CNGA3: variants seen among roughly 807,000 people sequenced by gnomAD.
CNGA3 encodes the protein cyclic nucleotide gated channel subunit alpha 3.
In CNGA3, 42 loss-of-function variants were observed where a neutral mutation model predicts 46.6. The ratio of observed to expected loss-of-function variants is 0.90; its 90% confidence interval spans 0.70 to 1.17. The LOEUF (loss-of-function observed/expected upper bound fraction) is 1.17, where lower values mean the gene tolerates loss of function less well. CNGA3 is among the 50% of genes most tolerant of loss of function. CNGA3 has a pLI of 0.00. For synonymous variants in CNGA3, 394 were observed against 369.4 expected (o/e 1.07, Z -0.76); for missense variants, 893 against 890.7 (o/e 1.00, Z -0.03).
At chr2:98,373,431 C>T (rs1692332792) in intron 2 of CNGA3, among the ~76,000 whole-genome samples, 1 of 152,184 alleles carries the variant, frequency 6.6e-6, no homozygotes, top group African/African-American at 2.4e-5. Flanking sequence ...GAAGCCTGCA[C>T]TGGAAACCTG....
intron 5 of CNGA3, 143 bp from the exon 6 acceptor site, chr2:98,389,515 G>A: frequency 1.3e-6 from 1 of 764,424 alleles, no homozygotes; most frequent in Non-Finnish European, 2.4e-6. Context: ...GACTCCCCAT[G>A]TGACTCCCTT....
chr2:98,369,710 G>C (rs1692241463), intron 1 of CNGA3, among the ~76,000 whole-genome samples: 1 of 152,172 alleles, frequency 6.6e-6, no homozygotes, highest in Admixed American at 6.5e-5. Flanking sequence ...CATCTCTTCA[G>C]CATGGTAGCA....
intron 1 of CNGA3, among the ~76,000 whole-genome samples, chr2:98,365,217 A>G (rs1033212224): frequency 2.0e-5 from 3 of 152,154 alleles, no homozygotes; most frequent in Non-Finnish European, 4.4e-5. Context: ...CGAGGCAGGC[A>G]AATCACTTGA....
intron 1 of CNGA3, among the ~76,000 whole-genome samples, chr2:98,350,145 C>G (rs1449977918): frequency 1.3e-5 from 2 of 152,186 alleles, no homozygotes; most frequent in Non-Finnish European, 2.9e-5. Context: ...GCTTCTGCCC[C>G]CAGGCTCTGC....
intron 4 of CNGA3, among the ~76,000 whole-genome samples, chr2:98,380,706 C>A (rs1266849429): frequency 1.3e-5 from 2 of 152,188 alleles, no homozygotes; most frequent in East Asian, 1.9e-4. Context: ...CCAAGGACCC[C>A]CGTCCTAGAC....
chr2:98,349,928 C>T (rs1160334541), intron 1 of CNGA3, among the ~76,000 whole-genome samples: 1 of 152,144 alleles, frequency 6.6e-6, no homozygotes, highest in Non-Finnish European at 1.5e-5. Flanking sequence ...GACAGTACTG[C>T]AGGGAGGAAG....
intron 2 of CNGA3, among the ~76,000 whole-genome samples, chr2:98,372,022 A>G (rs1574371392): frequency 6.6e-6 from 1 of 152,208 alleles, no homozygotes; most frequent in African/African-American, 2.4e-5. Context: ...CAAGCATGTC[A>G]TGGAGCTTCC....
At chr2:98,392,076 C>A in intron 7 of CNGA3, 106 bp downstream of exon 7, 3 of 1,018,916 alleles carry the variant, frequency 2.9e-6, no homozygotes, top group Non-Finnish European at 4.5e-6. Context: ...CATGAGAGGC[C>A]AGGCAGGTCT....
rs575326068 is a variant in CNGA3, at chr2:98,380,197, C to T, written c.238C>T (p.Leu80=). Residue 80 remains leucine, a synonymous_variant, in exon 4 of 8, where the codon CTG becomes TTG. Transcript: ENST00000272602. ...IARLSRLIFL[L]RRWAARHVHH... ...CAGGCTGTCGCGCCTCATCTTCTTG[C>T]TGCGCAGGTGGGCTGCCAGGCATGT... 2.3e-4 allele frequency: 370 copies of T among 1,614,224 alleles called. 4 individuals are homozygous for T. In the South Asian group the frequency reaches 3.8e-3, roughly 17 times the overall value.
At chr2:98,357,219 C>T (rs1230560155) in intron 1 of CNGA3, among the ~76,000 whole-genome samples, 1 of 152,142 alleles carries the variant, frequency 6.6e-6, no homozygotes, top group African/African-American at 2.4e-5. Flanking sequence ...CAGTGAGCTG[C>T]GTTAAATGCC....
rs571318091 is a variant in CNGA3 at position 98,389,268 on chromosome 2, G to C, written c.450-390G>C. 1.2e-4 allele frequency among the ~76,000 whole-genome samples: 19 copies of C among 152,358 alleles called. No individual in the cohort carries two copies. The South Asian group carries it at 3.9e-3, about 32-fold the overall frequency. On this transcript the variant is annotated intron_variant, in intron 5 of 7. Transcript: ENST00000272602. Reference sequence around the variant, plus strand: ...TATTTCCAGGCCCAGCCCTGGAAGAGGTGAGTGGGCCCTGGGAATCAGAAT... The same window carrying C: ...TATTTCCAGGCCCAGCCCTGGAAGACGTGAGTGGGCCCTGGGAATCAGAAT...
At chr2:98,378,196 C>T (rs913503867) in intron 3 of CNGA3, 8 of 1,550,060 alleles carry the variant, frequency 5.2e-6, no homozygotes, top group Middle Eastern at 1.7e-4. Flanking sequence ...CAGGGTCTCC[C>T]GGGTGCTCGT....
chr2:98,382,422 G>C (rs1397055732), intron 4 of CNGA3, among the ~76,000 whole-genome samples: 1 of 152,182 alleles, frequency 6.6e-6, no homozygotes, highest in African/African-American at 2.4e-5. Flanking sequence ...AACCAATCTA[G>C]AAACAAGCGG....
intron 5 of CNGA3, among the ~76,000 whole-genome samples, chr2:98,387,043 G>C (rs968588810): frequency 2.2e-4 from 33 of 152,208 alleles, no homozygotes; most frequent in Admixed American, 6.5e-5. Flanking sequence ...GCAGTAATTT[G>C]TTCCGGCAGA....
chr2:98,391,769 C>A, intron 6 of CNGA3, 95 bp from the exon 7 acceptor site: 1 of 1,146,730 alleles, frequency 8.7e-7, no homozygotes, highest in Non-Finnish European at 1.3e-6. Flanking sequence ...ATTACATGAT[C>A]CAGCGTCTTC....
intron 5 of CNGA3, among the ~76,000 whole-genome samples, chr2:98,388,123 A>G (rs1692695359): frequency 6.6e-6 from 1 of 152,170 alleles, no homozygotes; most frequent in South Asian, 2.1e-4. Context: ...ATGCGCTGGA[A>G]GCACCCCTTG....
At chr2:98,367,744 G>A (rs1411900875) in intron 1 of CNGA3, among the ~76,000 whole-genome samples, 1 of 151,946 alleles carries the variant, frequency 6.6e-6, no homozygotes, top group Admixed American at 6.5e-5. Context: ...GCCATGTCCT[G>A]GCAACTCTAC....
intron 5 of CNGA3, among the ~76,000 whole-genome samples, chr2:98,384,372 G>A (rs1692608088): frequency 6.6e-6 from 1 of 152,166 alleles, no homozygotes; most frequent in African/African-American, 2.4e-5. Flanking sequence ...TTCAGGAGGG[G>A]AAGTCTTAGT....
chr2:98,373,424 G>A (rs1692332600), intron 2 of CNGA3, among the ~76,000 whole-genome samples: 1 of 152,164 alleles, frequency 6.6e-6, no homozygotes, highest in African/African-American at 2.4e-5. Flanking sequence ...ATATCAAGAA[G>A]CCTGCACTGG....
Sources: gnomAD v4.1 joint callset for allele counts (sites outside exome capture counted in the v4.1 genomes callset) on GRCh38, gnomAD v4.1.1 for gene constraint, MANE v1.5 for transcripts, NCBI Gene and HGNC (gene_info 2026-07-23, HGNC 2026-07-21) for gene names.